The following CELF2 variants were observed in gnomAD, a reference collection of about 807,000 sequenced individuals.
CELF2 encodes CUGBP Elav-like family member 2.
A neutral mutation model predicts 62.6 loss-of-function variants in CELF2; 8 were observed. That is an observed-to-expected ratio of 0.13 (90% CI 0.07 to 0.23). The LOEUF (loss-of-function observed/expected upper bound fraction) is 0.23, where lower values mean the gene tolerates loss of function less well. CELF2 is among the 10% of genes least tolerant of loss of function. The pLI is 1.00. For synonymous variants in CELF2, 258 were observed against 250.0 expected, an observed-to-expected ratio of 1.03 and a Z score of -0.30; for missense variants, 333 against 671.0, an observed-to-expected ratio of 0.50 and a Z score of 5.56.
intron 2 of CELF2, among the ~76,000 whole-genome samples, chr10:11,203,654 T>C (rs2059778573): frequency 6.6e-6 from 1 of 152,214 alleles, no homozygotes; most frequent in South Asian, 2.1e-4. Context: ...GGTTAAGATC[T>C]TTTTTCTGTC....
intron 2 of CELF2, among the ~76,000 whole-genome samples, chr10:11,166,321 T>G (rs1257895251): frequency 1.3e-5 from 2 of 152,204 alleles, no homozygotes; most frequent in African/African-American, 4.8e-5. Flanking sequence ...CCCTTATCAG[T>G]GTGGAGATGA....
rs1298664237 is a variant in CELF2, at chr10:10,934,261, C to T, written c.89+14262C>T. ...TTAGCAAGGTTAATCTGATGGTAAT[C>T]TGTAACATCTATCATGGTGGGAAGA... On this transcript the variant is annotated intron_variant, in intron 2 of 13. Transcript: ENST00000636488. The surrounding 1 kb of genome is among the most constrained non-coding windows in gnomAD (Gnocchi z 4.4). Among the ~76,000 whole-genome samples, 1 of 152,182 alleles carries T rather than the reference C, an allele frequency of 6.6e-6. No homozygotes were observed. Among genetic ancestry groups the T allele is most frequent in the Non-Finnish European group, 1.5e-5 (1 of 68,036 alleles).
chr10:11,198,706 G>A (rs767976433), intron 2 of CELF2, among the ~76,000 whole-genome samples: 8 of 152,170 alleles, frequency 5.3e-5, no homozygotes, highest in Non-Finnish European at 7.4e-5. Context: ...AGAAGGGCAT[G>A]GTCAAGTGGT....
At chr10:10,497,244 C>T in the CELF2 span, among the ~76,000 whole-genome samples, 8 of 147,504 alleles carry the variant, frequency 5.4e-5, no homozygotes, top group African/African-American at 1.5e-4. Flanking sequence ...CAAGGAAAAA[C>T]TTTAGGGAGC....
At position 11,012,520 on chromosome 10, in the gene CELF2, A is replaced by G. The variant is rs903166269; in HGVS notation, c.53+7080A>G. ...ACAACCCCACCCTCAAGCTTACCACATCCATTTCTCTTCCTTTCACCCCAC... is the reference window on the plus strand; with the variant it reads ...ACAACCCCACCCTCAAGCTTACCACGTCCATTTCTCTTCCTTTCACCCCAC... On this transcript the variant is annotated intron_variant, in intron 1 of 12. Coordinates refer to the CELF2 transcript ENST00000416382. This position sits in a 1 kb window ranked among gnomAD's most constrained non-coding sequence, Gnocchi z 5.5. Among the ~76,000 whole-genome samples, 9 of 152,184 alleles carry G rather than the reference A, an allele frequency of 5.9e-5. No homozygotes were observed. The South Asian group carries it at 1.9e-3, about 32-fold the overall frequency.
the CELF2 span, among the ~76,000 whole-genome samples, chr10:10,707,208 A>G: frequency 2.6e-5 from 4 of 152,326 alleles, no homozygotes; most frequent in South Asian, 8.3e-4. Flanking sequence ...AGTCAATTTT[A>G]GGGTGCTATT....
At chr10:10,767,882 G>A in the CELF2 span, among the ~76,000 whole-genome samples, 17 of 137,404 alleles carry the variant, frequency 1.2e-4, no homozygotes, top group African/African-American at 1.7e-4. Flanking sequence ...TGTAGTCCCA[G>A]CTACTCGGGA....
chr10:11,236,423 T>C (rs1237986397), intron 3 of CELF2, among the ~76,000 whole-genome samples: 2 of 152,246 alleles, frequency 1.3e-5, no homozygotes, highest in African/African-American at 4.8e-5. Flanking sequence ...GAGGATGCCT[T>C]GCGTTGTGCA....
intron 2 of CELF2, among the ~76,000 whole-genome samples, chr10:10,920,927 G>C (rs145806033): frequency 9.2e-5 from 14 of 152,180 alleles, no homozygotes; most frequent in African/African-American, 3.4e-4. Flanking sequence ...TGAGCACCAA[G>C]GATTGTGCCT....
rs1214620657 is a variant in CELF2 at position 10,861,564 on chromosome 10, G to A, written c.54-58400G>A. Among the ~76,000 whole-genome samples, 3 of 152,070 alleles carry A rather than the reference G, an allele frequency of 2.0e-5. No individual in the cohort carries two copies. In the East Asian group the frequency reaches 5.8e-4, roughly 29 times the overall value. On this transcript the variant is annotated intron_variant, in intron 1 of 13. Coordinates refer to the CELF2 transcript ENST00000636488. ...CCTAGACAATTTCTCAGCTGTGAAA[G>A]GGGCTTTAGGTAAATCCACCAGAGG...
intron 2 of CELF2, among the ~76,000 whole-genome samples, chr10:10,935,833 A>C (rs1241591489): frequency 1.3e-5 from 2 of 151,994 alleles, no homozygotes; most frequent in African/African-American, 4.8e-5. Flanking sequence ...TCTGATATGC[A>C]TGTGCCTTCT....
At chr10:11,180,590 T>C (rs1351253244) in intron 2 of CELF2, among the ~76,000 whole-genome samples, 1 of 152,128 alleles carries the variant, frequency 6.6e-6, no homozygotes, top group Non-Finnish European at 1.5e-5. Flanking sequence ...GCTCTGGGTA[T>C]AGCCTGCCAT....
chr10:10,639,926 C>T, the CELF2 span, among the ~76,000 whole-genome samples: 1 of 152,174 alleles, frequency 6.6e-6, no homozygotes, highest in Non-Finnish European at 1.5e-5. Context: ...AGTCTCCATT[C>T]CTGGAGGAGG....
intron 1 of CELF2, among the ~76,000 whole-genome samples, chr10:11,107,451 G>A (rs570380383): frequency 2.0e-4 from 31 of 152,244 alleles, no homozygotes; most frequent in African/African-American, 6.0e-4. Flanking sequence ...GAGTTTGGCC[G>A]CTTAGATGCT....
chr10:10,775,817 A>G, the CELF2 span, among the ~76,000 whole-genome samples: 1 of 152,228 alleles, frequency 6.6e-6, no homozygotes, highest in South Asian at 2.1e-4. Context: ...GTTTCCATGT[A>G]CGTCTGCTTT....
In CELF2 at chr10:10,941,740, T is replaced by A. The variant is rs982647696; in HGVS notation, c.89+21741T>A. Among the ~76,000 whole-genome samples, 8 of 152,166 alleles carry A rather than the reference T, an allele frequency of 5.3e-5. No homozygotes were observed. In the South Asian group the frequency reaches 6.2e-4, roughly 12 times the overall value. On this transcript the variant is annotated intron_variant, in intron 2 of 13. Coordinates refer to the CELF2 transcript ENST00000636488. ...CAGGCGCAGTGGCTCATGCCTATAA[T>A]CCCAGCACATTGGGAGACTGAGGTG...
At position 10,856,619 on chromosome 10, in the gene CELF2, T is replaced by C. The variant is rs140736227; in HGVS notation, c.53+57802T>C. On this transcript the variant is annotated intron_variant, in intron 1 of 13. Transcript: ENST00000636488. ...ATTATTCTGTCTTCGTTAGCATCTT[T>C]GTTAAACGTTGAGTCACTAGACACA... 8.9e-3 allele frequency among the ~76,000 whole-genome samples: 1,352 copies of C among 152,324 alleles called. 4 individuals are homozygous for C. Among genetic ancestry groups the C allele is most frequent in the Non-Finnish European group, 0.014 (922 of 68,018 alleles).
At chr10:10,497,127 A>G in the CELF2 span, among the ~76,000 whole-genome samples, 4 of 151,634 alleles carry the variant, frequency 2.6e-5, no homozygotes, top group African/African-American at 9.7e-5. Context: ...AGAGGTTGCA[A>G]TGAGCCGAGA....
intron 1 of CELF2, among the ~76,000 whole-genome samples, chr10:11,163,927 TTGTC>T (rs919910420): frequency 9.9e-5 from 15 of 152,206 alleles, no homozygotes; most frequent in African/African-American, 3.6e-4. Flanking sequence ...GATGGTGTAT[TTGTC>T]TGGTGTTTCA....
Sources: allele counts gnomAD v4.1 joint callset (sites outside exome capture counted in the v4.1 genomes callset), GRCh38; gene constraint gnomAD v4.1.1; non-coding constraint Gnocchi (gnomAD v3.1); transcripts MANE v1.5; gene names NCBI Gene and HGNC (gene_info 2026-07-23, HGNC 2026-07-21).